GRM7: variants seen among roughly 807,000 people sequenced by gnomAD.
The protein encoded by GRM7 is glutamate metabotropic receptor 7.
In GRM7, 35 loss-of-function variants were observed where a neutral mutation model predicts 84.5. The observed-to-expected ratio is 0.41, with a 90% CI of 0.32 to 0.55. The LOEUF (loss-of-function observed/expected upper bound fraction) is 0.55, where lower values mean the gene tolerates loss of function less well. Among genes scored for constraint, GRM7 ranks in the 20% least tolerant of loss-of-function variants. The pLI is 0.19. For synonymous variants in GRM7, 487 were observed against 455.1 expected, an observed-to-expected ratio of 1.07 and a Z score of -0.89; for missense variants, 1,003 against 1,194.6, an observed-to-expected ratio of 0.84 and a Z score of 2.36.
chr3:6,979,617 G>T (rs1694121773), intron 1 of GRM7, among the ~76,000 whole-genome samples: 2 of 152,074 alleles, frequency 1.3e-5, no homozygotes, highest in Admixed American at 1.3e-4. Flanking sequence ...ACTTTTACAA[G>T]ATTACAATTT....
rs115499886 is a variant in GRM7 at position 7,476,235 on chromosome 3, G to T, written c.1515+14513G>T. 3.7e-3 allele frequency among the ~76,000 whole-genome samples: 570 copies of T among 152,264 alleles called. 4 individuals are homozygous for T. The highest frequency in any genetic ancestry group is 0.013 in the African/African-American group (542 of 41,550). ...TTGGGACCTAACCCACAGGATTATT[G>T]TGAGAGTTAACAACACGAAAAGTGA... is the stretch of plus-strand genomic sequence containing the variant. On this transcript the variant is annotated intron_variant, in intron 7 of 9. Transcript: ENST00000357716.
chr3:7,325,592 G>T (rs548199726), intron 4 of GRM7, among the ~76,000 whole-genome samples: 148 of 152,298 alleles, frequency 9.7e-4, no homozygotes, highest in African/African-American at 3.4e-3. Flanking sequence ...GCAACTGAGG[G>T]ATAGATATCC....
At chr3:7,705,717 T>C (rs1011270424) in intron 9 of GRM7, among the ~76,000 whole-genome samples, 1 of 152,134 alleles carries the variant, frequency 6.6e-6, no homozygotes, top group African/African-American at 2.4e-5. Flanking sequence ...TGACTAGAGA[T>C]AAGAGAGCCT....
intron 8 of GRM7, among the ~76,000 whole-genome samples, chr3:7,600,084 A>G (rs1299769128): frequency 6.6e-6 from 1 of 152,146 alleles, no homozygotes; most frequent in African/African-American, 2.4e-5. Context: ...CACAATTGCT[A>G]TCTGCAGGAT....
intron 1 of GRM7, among the ~76,000 whole-genome samples, chr3:7,029,668 C>T (rs1574809270): frequency 6.6e-6 from 1 of 152,054 alleles, no homozygotes; most frequent in Non-Finnish European, 1.5e-5. Flanking sequence ...TTCATAGTGA[C>T]AGAAAGTTGA....
At chr3:7,013,745 T>C (rs1421882551) in intron 1 of GRM7, among the ~76,000 whole-genome samples, 1 of 152,096 alleles carries the variant, frequency 6.6e-6, no homozygotes, top group African/African-American at 2.4e-5. Flanking sequence ...CTGAGCAAAA[T>C]AGTGAGAACC....
At chr3:7,341,965 A>G (rs1313497604) in intron 4 of GRM7, among the ~76,000 whole-genome samples, 1 of 152,124 alleles carries the variant, frequency 6.6e-6, no homozygotes, top group Non-Finnish European at 1.5e-5. Context: ...TTAACATTAT[A>G]GATCATATTA....
At chr3:7,306,082 A>C (rs149591823) in intron 3 of GRM7, among the ~76,000 whole-genome samples, 1 of 152,202 alleles carries the variant, frequency 6.6e-6, no homozygotes, top group Non-Finnish European at 1.5e-5. Context: ...TTTCAGAGAT[A>C]GTGTATACCA....
intron 2 of GRM7, among the ~76,000 whole-genome samples, chr3:7,203,994 T>C (rs1392101272): frequency 5.9e-5 from 9 of 152,306 alleles, no homozygotes; most frequent in African/African-American, 1.7e-4. Context: ...GAGGAAGATG[T>C]GATAGCTGAG....
intron 2 of GRM7, among the ~76,000 whole-genome samples, chr3:7,253,023 A>AG (rs1019668338): frequency 1.3e-5 from 2 of 149,738 alleles, no homozygotes; most frequent in African/African-American, 4.9e-5. Context: ...AAAAAAAAAA[A>AG]AAAAAAAAAA....
chr3:7,131,042 CTT>C (rs1693580087), intron 1 of GRM7, among the ~76,000 whole-genome samples: 1 of 152,138 alleles, frequency 6.6e-6, no homozygotes, highest in South Asian at 2.1e-4. Context: ...AACGCTAAGA[CTT>C]TCCCTTCCAA....
At chr3:6,965,756 G>C (rs77441724) in intron 1 of GRM7, among the ~76,000 whole-genome samples, 4 of 152,028 alleles carry the variant, frequency 2.6e-5, no homozygotes, top group African/African-American at 9.7e-5. Context: ...CTCAATTTCC[G>C]CCTACAGATG....
intron 1 of GRM7, among the ~76,000 whole-genome samples, chr3:7,011,337 A>C (rs1036648658): frequency 1.3e-5 from 2 of 152,204 alleles, no homozygotes; most frequent in Non-Finnish European, 2.9e-5. Flanking sequence ...AATAACCTTT[A>C]TTACCATTAG....
intron 2 of GRM7, among the ~76,000 whole-genome samples, chr3:7,241,015 G>A (rs1697539628): frequency 6.6e-6 from 1 of 152,106 alleles, no homozygotes; most frequent in South Asian, 2.1e-4. Context: ...CTAGGATTGT[G>A]TAACTCTACT....
intron 2 of GRM7, among the ~76,000 whole-genome samples, chr3:7,259,172 T>C (rs748216633): frequency 7.9e-5 from 12 of 152,230 alleles, no homozygotes; most frequent in African/African-American, 1.7e-4. Context: ...CACTGGTAAA[T>C]TGGCATTCCA....
At chr3:7,653,998 A>T (rs1699072548) in intron 8 of GRM7, among the ~76,000 whole-genome samples, 1 of 152,044 alleles carries the variant, frequency 6.6e-6, no homozygotes, top group Non-Finnish European at 1.5e-5. Context: ...ATGTGACAGC[A>T]CTTTTGCCTT....
chr3:7,195,209 G>A (rs1695839689), intron 2 of GRM7, among the ~76,000 whole-genome samples: 1 of 152,108 alleles, frequency 6.6e-6, no homozygotes, highest in Non-Finnish European at 1.5e-5. Context: ...AGAAAATTGA[G>A]CACTTATAAT....
rs746833089 is a variant in GRM7, at chr3:7,680,268, G to T, written c.2671G>T (p.Glu891Ter). Residue 891 changes from glutamate (E) to a stop codon, truncating the protein, a stop_gained, in exon 9 of 10, where the codon GAG becomes TAG. Transcript: ENST00000357716. LOFTEE classifies it high-confidence loss of function. ...SDRPNGEAKTELCENVDPNSP... is the reference protein window; with the variant it reads ...SDRPNGEAKT The stretch of plus-strand genomic sequence containing the variant: ...CAGACCCAACGGTGAGGCAAAGACC[G>T]AGCTCTGTGAAAACGTAGACCCAAA... 1.2e-6 allele frequency: 2 copies of T among 1,613,992 alleles called. No homozygotes were observed. Among genetic ancestry groups the T allele is most frequent in the Non-Finnish European group, 1.7e-6 (2 of 1,179,982 alleles).
intron 2 of GRM7, among the ~76,000 whole-genome samples, chr3:7,289,759 CA>C (rs1292059836): frequency 2.0e-5 from 3 of 148,184 alleles, no homozygotes; most frequent in East Asian, 2.0e-4. Flanking sequence ...ATCACAGGGA[CA>C]AAAAAACAAA....
Sources: allele counts gnomAD v4.1 joint callset (sites outside exome capture counted in the v4.1 genomes callset), GRCh38; gene constraint gnomAD v4.1.1; transcripts MANE v1.5; gene names NCBI Gene and HGNC (gene_info 2026-07-23, HGNC 2026-07-21).